The following NRG1 variants were observed in gnomAD, a reference collection of about 807,000 sequenced individuals.
NRG1 encodes pro-neuregulin-1, membrane-bound isoform.
Under a neutral mutation model 63.8 loss-of-function variants are expected in NRG1, and 18 were observed. That is an observed-to-expected ratio of 0.28 (90% CI 0.19 to 0.42). The LOEUF (loss-of-function observed/expected upper bound fraction) is 0.42, where lower values mean the gene tolerates loss of function less well. NRG1 is among the 10% of genes least tolerant of loss of function. The pLI, the probability that NRG1 is intolerant of heterozygous loss-of-function variation, is 1.00. For synonymous variants in NRG1, 302 were observed against 301.3 expected (o/e 1.00, Z -0.02); for missense variants, 762 against 814.7 (o/e 0.94, Z 0.79).
rs1338353608 is a variant in NRG1, at chr8:32,511,367, G to GTGTATATATA, written c.38-84460_38-84459insGTATATATAT. ...TGTGTCTGTCTGTCGATATATATGT[G>GTGTATATATA]TATATATATATATATATATATATAT... On this transcript the variant is annotated intron_variant, in intron 1 of 10. Transcript: ENST00000519301. Among the ~76,000 whole-genome samples the GTGTATATATA allele has an allele frequency of 3.7e-3, 455 of 121,990 alleles. 2 individuals are homozygous for GTGTATATATA. The highest frequency in any genetic ancestry group is 5.7e-3 in the Non-Finnish European group (332 of 58,238). 80.0% of individuals were successfully genotyped at this position (121,990 alleles called of 152,430 possible). A position where few individuals can be genotyped will look rare whatever the true frequency, so the allele number is the denominator to read the frequency against.
At chr8:31,807,263 G>A (rs1210996324) in intron 1 of NRG1, among the ~76,000 whole-genome samples, 1 of 152,194 alleles carries the variant, frequency 6.6e-6, no homozygotes, top group Non-Finnish European at 1.5e-5. Flanking sequence ...TTGAGCATGT[G>A]GAGGTTTACC....
At chr8:31,970,555 T>C (rs138648778) in intron 1 of NRG1, among the ~76,000 whole-genome samples, 3 of 152,248 alleles carry the variant, frequency 2.0e-5, no homozygotes, top group African/African-American at 7.2e-5. Flanking sequence ...TGAGCAAAAG[T>C]CACATGAGCT....
intron 1 of NRG1, among the ~76,000 whole-genome samples, chr8:32,525,161 G>T (rs1179979041): frequency 6.6e-6 from 1 of 152,152 alleles, no homozygotes; most frequent in African/African-American, 2.4e-5. Flanking sequence ...CCCTCTCCTT[G>T]TGAAAGGTAG....
At chr8:32,573,999 T>G (rs1839144406) in intron 1 of NRG1, among the ~76,000 whole-genome samples, 1 of 152,226 alleles carries the variant, frequency 6.6e-6, no homozygotes, top group Non-Finnish European at 1.5e-5. Context: ...TTTTTATGGC[T>G]GCATAGTATT....
At chr8:32,720,646 C>G (rs1022116606) in intron 5 of NRG1, among the ~76,000 whole-genome samples, 1 of 152,140 alleles carries the variant, frequency 6.6e-6, no homozygotes, top group South Asian at 2.1e-4. Context: ...TTTCTTGTAA[C>G]TCCATTTAGT....
intron 1 of NRG1, among the ~76,000 whole-genome samples, chr8:32,076,047 A>G (rs897070666): frequency 6.6e-6 from 1 of 152,176 alleles, no homozygotes; most frequent in African/African-American, 2.4e-5. Flanking sequence ...AAACCCACAG[A>G]CATGGAGAGC....
intron 1 of NRG1, among the ~76,000 whole-genome samples, chr8:32,110,719 A>T (rs189887693): frequency 6.6e-6 from 1 of 152,282 alleles, no homozygotes; most frequent in East Asian, 1.9e-4. Context: ...CCCATCTGGG[A>T]ACTGAACCAA....
rs1820101429 is a variant in NRG1 at position 32,041,784 on chromosome 8, A to G, written c.37+402353A>G. 2.6e-5 allele frequency among the ~76,000 whole-genome samples: 4 copies of G among 152,238 alleles called. 1 individual carries two copies. The South Asian group carries it at 8.3e-4, about 32-fold the overall frequency. On this transcript the variant is annotated intron_variant, in intron 1 of 10. Coordinates refer to the NRG1 transcript ENST00000519301. ...ATTTTCTAGATAAAGAATTGGAAAG[A>G]GGATCCACAGGTAACCAAAAAGTAC...
intron 1 of NRG1, among the ~76,000 whole-genome samples, chr8:31,755,348 A>G (rs1816864416): frequency 6.6e-6 from 1 of 152,090 alleles, no homozygotes; most frequent in African/African-American, 2.4e-5. Context: ...AAGGTATTTT[A>G]TAATTAAGAG....
intron 1 of NRG1, among the ~76,000 whole-genome samples, chr8:31,777,740 A>C (rs1303335422): frequency 6.6e-6 from 1 of 152,166 alleles, no homozygotes; most frequent in Non-Finnish European, 1.5e-5. Flanking sequence ...CAGATATTAC[A>C]TGGTGAAACA....
chr8:32,434,474 G>A (rs1003668555), intron 1 of NRG1, among the ~76,000 whole-genome samples: 6 of 152,076 alleles, frequency 3.9e-5, no homozygotes, highest in Non-Finnish European at 7.4e-5. Context: ...GTGACAGACT[G>A]GAATCAAATG....
At chr8:32,265,060 G>A (rs1000796194) in intron 1 of NRG1, among the ~76,000 whole-genome samples, 14 of 152,090 alleles carry the variant, frequency 9.2e-5, no homozygotes, top group African/African-American at 2.9e-4. Context: ...CTATCAGGCC[G>A]GGTGCAGTGA....
At chr8:32,655,876 C>T (rs1011771153) in intron 5 of NRG1, among the ~76,000 whole-genome samples, 5 of 152,016 alleles carry the variant, frequency 3.3e-5, no homozygotes, top group South Asian at 2.1e-4. Context: ...ATTGGGACAA[C>T]GGAAAACAAT....
In NRG1 at chr8:32,616,902, A is replaced by C. The variant is rs1847473435; in HGVS notation, c.502+17A>C. Reference sequence around the variant, plus strand: ...CTTCTTCATGTAAGTATACTTAAATATTCTATTCACTGGTTTTTAACCCAA... The same window carrying C: ...CTTCTTCATGTAAGTATACTTAAATCTTCTATTCACTGGTTTTTAACCCAA... On this transcript the variant is annotated intron_variant, in intron 5 of 11. Coordinates refer to ENST00000356819, the Ensembl canonical transcript of NRG1. 6.4e-7 allele frequency: 1 copy of C among 1,552,360 alleles called. No individual in the cohort carries two copies. Among genetic ancestry groups the C allele is most frequent in the Admixed American group, 1.7e-5 (1 of 59,734 alleles).
At chr8:32,612,931 T>A (rs1186102992) in intron 3 of NRG1, among the ~76,000 whole-genome samples, 1 of 152,046 alleles carries the variant, frequency 6.6e-6, no homozygotes, top group African/African-American at 2.4e-5. Context: ...GGACACACAC[T>A]TTGTATCTCT....
intron 1 of NRG1, among the ~76,000 whole-genome samples, chr8:32,365,850 G>A (rs1042474693): frequency 3.9e-5 from 6 of 152,152 alleles, no homozygotes; most frequent in Non-Finnish European, 5.9e-5. Context: ...AATTGATTTA[G>A]TAAATAATTT....
At chr8:32,310,999 C>T (rs1461003850) in intron 1 of NRG1, among the ~76,000 whole-genome samples, 2 of 152,152 alleles carry the variant, frequency 1.3e-5, no homozygotes, top group African/African-American at 4.8e-5. Flanking sequence ...TTCCTAAATA[C>T]CTCTTGGGTT....
intron 5 of NRG1, among the ~76,000 whole-genome samples, chr8:32,693,189 T>A (rs1665077930): frequency 6.6e-6 from 1 of 151,356 alleles, no homozygotes. Flanking sequence ...GAGGACAACC[T>A]CATTTGTCTT....
chr8:31,989,536 A>G (rs151004978), intron 1 of NRG1, among the ~76,000 whole-genome samples: 244 of 152,064 alleles, frequency 1.6e-3, no homozygotes, highest in Non-Finnish European at 1.8e-3. Flanking sequence ...TGCCTCAAGT[A>G]CTTCCTTTAA....
Sources: allele counts gnomAD v4.1 joint callset (sites outside exome capture counted in the v4.1 genomes callset), GRCh38; gene constraint gnomAD v4.1.1; transcripts MANE v1.5; gene names NCBI Gene and HGNC (gene_info 2026-07-23, HGNC 2026-07-21).